CSNK1G3: variants seen among roughly 807,000 people sequenced by gnomAD.
CSNK1G3 encodes the protein casein kinase I isoform gamma-3.
Under a neutral mutation model 64.3 loss-of-function variants are expected in CSNK1G3, and 23 were observed. The observed-to-expected ratio is 0.36, with a 90% CI of 0.26 to 0.51. The LOEUF (loss-of-function observed/expected upper bound fraction) is 0.51. Among genes scored for constraint, CSNK1G3 ranks in the 20% least tolerant of loss-of-function variants. The pLI is 0.96. For synonymous variants in CSNK1G3, 158 were observed against 162.2 expected (o/e 0.97, Z 0.20); for missense variants, 357 against 510.5 (o/e 0.70, Z 2.90).
At chr5:123,615,039 T>G (rs1749221831) in exon 13 of CSNK1G3, 1 of 152,614 alleles carries the variant, frequency 6.6e-6, no homozygotes, top group South Asian at 2.1e-4. Flanking sequence ...AAAATGAATC[T>G]TAAGGAGTGT....
At chr5:123,575,831 A>T (rs1789052030) in exon 6 of CSNK1G3, 1 of 1,613,540 alleles carries the variant, frequency 6.2e-7, no homozygotes, top group African/African-American at 1.3e-5. Flanking sequence ...CCAGCAAGTT[A>T]TTCACATTAT....
intron 4 of CSNK1G3, among the ~76,000 whole-genome samples, chr5:123,562,690 T>G (rs1342611331): frequency 1.3e-5 from 2 of 152,084 alleles, no homozygotes; most frequent in African/African-American, 2.4e-5. Flanking sequence ...TATTATCCTA[T>G]GATTAGGTAA....
chr5:123,573,284 G>A (rs1427947954), intron 4 of CSNK1G3, 109 bp from the exon 5 acceptor site: 3 of 1,138,880 alleles, frequency 2.6e-6, no homozygotes, highest in Non-Finnish European at 3.9e-6. Context: ...AAAAGTGATA[G>A]TACTGCTTTA....
intron 6 of CSNK1G3, among the ~76,000 whole-genome samples, chr5:123,577,878 T>C (rs1350762061): frequency 6.6e-6 from 1 of 151,948 alleles, no homozygotes; most frequent in Non-Finnish European, 1.5e-5. Context: ...CCCATCTTAG[T>C]CATTCCCCTC....
intron 4 of CSNK1G3, among the ~76,000 whole-genome samples, chr5:123,566,854 G>A (rs1786990888): frequency 6.6e-6 from 1 of 151,960 alleles, no homozygotes; most frequent in African/African-American, 2.4e-5. Flanking sequence ...AAAAAAAAAA[G>A]TGAAGGTAGA....
chr5:123,546,668 T>C (rs1782584211), intron 2 of CSNK1G3, among the ~76,000 whole-genome samples: 1 of 152,118 alleles, frequency 6.6e-6, no homozygotes, highest in Admixed American at 6.6e-5. Context: ...GAGTGAACTT[T>C]AGATGTAAAA....
intron 2 of CSNK1G3, among the ~76,000 whole-genome samples, chr5:123,548,533 A>G (rs1019713978): frequency 6.6e-6 from 1 of 151,262 alleles, no homozygotes; most frequent in African/African-American, 2.4e-5. Context: ...TTTAAATTAT[A>G]TTTATTTATT....
At chr5:123,588,187 T>C (rs759248785) in intron 7 of CSNK1G3, 34 bp downstream of exon 7, 19 of 1,434,002 alleles carry the variant, frequency 1.3e-5, no homozygotes, top group Non-Finnish European at 1.9e-5. Flanking sequence ...TTGAATTTCA[T>C]AAAATATTAA....
chr5:123,523,017 GA>G (rs1778400052), intron 1 of CSNK1G3, among the ~76,000 whole-genome samples: 1 of 152,138 alleles, frequency 6.6e-6, no homozygotes, highest in East Asian at 1.9e-4. Context: ...AAGAGGGGAA[GA>G]AGTGTTACTA....
intron 6 of CSNK1G3, among the ~76,000 whole-genome samples, chr5:123,582,351 G>A (rs936506428): frequency 2.6e-5 from 4 of 152,174 alleles, no homozygotes; most frequent in East Asian, 1.9e-4. Context: ...CACTTATTAG[G>A]TACCTAGTTT....
chr5:123,579,135 C>T (rs1000246965), intron 6 of CSNK1G3, among the ~76,000 whole-genome samples: 2 of 151,788 alleles, frequency 1.3e-5, no homozygotes, highest in African/African-American at 4.8e-5. Flanking sequence ...AAACATTCTC[C>T]CCAGCTTTAG....
At chr5:123,602,918 C>T (rs547644193) in intron 10 of CSNK1G3, among the ~76,000 whole-genome samples, 1 of 152,200 alleles carries the variant, frequency 6.6e-6, no homozygotes, top group South Asian at 2.1e-4. Context: ...TCATCTCACC[C>T]TCATATCAAC....
intron 1 of CSNK1G3, among the ~76,000 whole-genome samples, chr5:123,520,195 G>A (rs956580337): frequency 2.6e-5 from 4 of 152,040 alleles, no homozygotes; most frequent in African/African-American, 9.7e-5. Context: ...TTATTTTCAA[G>A]AAAATGATCT....
At chr5:123,583,481 C>T (rs1198704831) in intron 6 of CSNK1G3, among the ~76,000 whole-genome samples, 7 of 152,204 alleles carry the variant, frequency 4.6e-5, no homozygotes, top group African/African-American at 1.7e-4. Flanking sequence ...CTGCCTCAGC[C>T]TCCCGAGTAG....
rs1192872040 is a variant in CSNK1G3 at position 123,591,220 on chromosome 5, G to A, written c.991-99G>A. 8.3e-6 allele frequency: 5 copies of A among 599,040 alleles called. No individual in the cohort carries two copies. In the East Asian group the frequency reaches 1.3e-4, roughly 16 times the overall value. The allele number at this position is 599,040 out of a possible 1,614,324, so 37.1% of individuals were successfully genotyped here. ...ACTTAAAGCCTTAGTTTATTTAACA[G>A]TCTTTTGTTTTTTTCCTTAATTCTT... is the stretch of plus-strand genomic sequence containing the variant. On this transcript the variant is annotated intron_variant, in intron 9 of 12. Coordinates refer to ENST00000345990, the Ensembl canonical transcript of CSNK1G3.
intron 1 of CSNK1G3, among the ~76,000 whole-genome samples, chr5:123,541,703 A>G (rs1286727911): frequency 6.6e-6 from 1 of 152,190 alleles, no homozygotes; most frequent in Non-Finnish European, 1.5e-5. Context: ...AAGTGCTGGG[A>G]TTACAGTTGT....
intron 1 of CSNK1G3, among the ~76,000 whole-genome samples, chr5:123,523,738 C>G (rs192770429): frequency 6.6e-6 from 1 of 152,298 alleles, no homozygotes; most frequent in Non-Finnish European, 1.5e-5. Context: ...TCCTTTTCAA[C>G]AGTTCTAACA....
At chr5:123,555,817 A>G (rs1257931439) in intron 3 of CSNK1G3, among the ~76,000 whole-genome samples, 1 of 152,078 alleles carries the variant, frequency 6.6e-6, no homozygotes, top group Non-Finnish European at 1.5e-5. Flanking sequence ...TAGTGATTGA[A>G]TAAGTTATAT....
intron 1 of CSNK1G3, among the ~76,000 whole-genome samples, chr5:123,516,100 G>A (rs1233530657): frequency 2.0e-5 from 3 of 152,042 alleles, no homozygotes; most frequent in Admixed American, 6.5e-5. Flanking sequence ...TTGGCAATTC[G>A]TGGTATTAAT....
Sources: allele counts gnomAD v4.1 joint callset (sites outside exome capture counted in the v4.1 genomes callset), GRCh38; gene constraint gnomAD v4.1.1; transcripts MANE v1.5; gene names NCBI Gene and HGNC (gene_info 2026-07-23, HGNC 2026-07-21).